Variants in ALG10 observed in about 807,000 individuals in gnomAD.
ALG10 encodes the protein ALG10 alpha-1,2-glucosyltransferase, also known as dol-P-Glc:Glc(2)Man(9)GlcNAc(2)-PP-Dol alpha-1,2-glucosyltransferase A.
Under a neutral mutation model 39.2 loss-of-function variants are expected in ALG10, and 25 were observed. That is an observed-to-expected ratio of 0.64 (90% confidence interval 0.46 to 0.89). The LOEUF (loss-of-function observed/expected upper bound fraction) is 0.89. Ranked by LOEUF, ALG10 falls within the 40% of genes least tolerant of loss-of-function variation. The pLI, the probability that ALG10 is intolerant of heterozygous loss-of-function variation, is 0.00. For synonymous variants in ALG10, 184 were observed against 193.9 expected (o/e 0.95, Z 0.42); for missense variants, 486 against 546.6 (o/e 0.89, Z 1.11).
chr12:34,025,426 T>C (rs1441715534), intron 2 of ALG10, among the ~76,000 whole-genome samples: 1 of 152,182 alleles, frequency 6.6e-6, no homozygotes, highest in Non-Finnish European at 1.5e-5. Context: ...TGTAGAGTTA[T>C]GAAGGATTTC....
intron 2 of ALG10, among the ~76,000 whole-genome samples, chr12:34,025,159 T>C (rs1235222498): frequency 4.6e-5 from 7 of 152,204 alleles, no homozygotes; most frequent in Non-Finnish European, 7.3e-5. Flanking sequence ...TAGCATGTAA[T>C]GTAAAGACCT....
chr12:34,025,750 T>C, intron 2 of ALG10, 113 bp from the exon 3 acceptor site: 1 of 1,293,422 alleles, frequency 7.7e-7, no homozygotes, highest in East Asian at 2.4e-5. Context: ...TAATTTTATT[T>C]AAAGAAGGTT....
Position 34,026,518 on chromosome 12 carries a change from A to G in ALG10, c.1025A>G (p.Tyr342Cys). The part of the protein sequence containing the change: ...VSVFLVWKFT[Y>C]AHKYLLADNR... Reference sequence around the variant, plus strand: ...GTGTTTTTAGTTTGGAAATTCACTTATGCTCATAAATACTTGCTAGCAGAC... The same window carrying G: ...GTGTTTTTAGTTTGGAAATTCACTTGTGCTCATAAATACTTGCTAGCAGAC... The change falls in exon 3 of 3, where the codon TAT becomes TGT. Residue 342 changes from tyrosine to cysteine, a missense_variant. By Grantham distance (194) the Tyr-to-Cys change is radical. Transcript: ENST00000266483. 2 of 1,613,778 alleles carry G rather than the reference A, an allele frequency of 1.2e-6. No homozygotes were observed. Among genetic ancestry groups the G allele is most frequent in the South Asian group, 2.2e-5 (2 of 91,048 alleles).
intron 2 of ALG10, among the ~76,000 whole-genome samples, chr12:34,024,750 G>C (rs1306939552): frequency 1.3e-5 from 2 of 152,092 alleles, no homozygotes; most frequent in Non-Finnish European, 2.9e-5. Context: ...ATATAGTAAG[G>C]GTTCAGTAAA....
chr12:34,026,573 AAG>A lies in ALG10; in HGVS notation c.1083_1084del (p.Arg361SerfsTer6). The part of the protein sequence containing the change: ...NRHYTFYVWK[R>X]VFQRYETVKY... The stretch of plus-strand genomic sequence containing the variant: ...GACATTATACTTTCTATGTGTGGAA[AAG>A]AGTTTTTCAAAGATATGAAACTGTA... On this transcript the variant is annotated frameshift_variant, in exon 3 of 3. Coordinates refer to ENST00000266483, the MANE Select transcript of ALG10 (RefSeq NM_032834.4). LOFTEE classifies it high-confidence loss of function. 2 of 1,613,878 alleles carry A rather than the reference AAG, an allele frequency of 1.2e-6. No individual in the cohort carries two copies. The highest frequency in any genetic ancestry group is 1.7e-6 in the Non-Finnish European group (2 of 1,179,892).
Position 34,027,283 on chromosome 12 carries a change from G to A in ALG10, c.*368G>A, listed in dbSNP as rs1385816601. The A allele has an allele frequency of 6.4e-6, 1 of 157,010 alleles. No individual in the cohort carries two copies. The highest frequency in any genetic ancestry group is 2.4e-5 in the African/African-American group (1 of 41,588). 9.7% of individuals were successfully genotyped at this position (157,010 alleles called of 1,614,324 possible). A position where few individuals can be genotyped will look rare whatever the true frequency, so the allele number is the denominator to read the frequency against. ...TATTCTCTTCAGAGAGAAATATTAG[G>A]TTAGTGCAAAAGTAATTGTGGTTTT... On this transcript the variant is annotated 3_prime_UTR_variant, in exon 3 of 3. Coordinates refer to ENST00000266483, the MANE Select transcript of ALG10 (RefSeq NM_032834.4).
chr12:34,026,999 G>A lies in ALG10; in HGVS notation c.*84G>A. 2 of 1,470,704 alleles carry A rather than the reference G, an allele frequency of 1.4e-6. No individual in the cohort carries two copies. The highest frequency in any genetic ancestry group is 1.8e-6 in the Non-Finnish European group (2 of 1,088,004). The allele number at this position is 1,470,704 out of a possible 1,614,324, so 91.1% of individuals were successfully genotyped here. ...AACAACTGAATAGGTGGAAAACATG[G>A]AATTTCTTTTAGGTGCAGTGGTGGT... is the stretch of plus-strand genomic sequence containing the variant. On this transcript the variant is annotated 3_prime_UTR_variant, in exon 3 of 3. Coordinates refer to ENST00000266483, the MANE Select transcript of ALG10 (RefSeq NM_032834.4).
Position 34,026,975 on chromosome 12 carries a change from A to T in ALG10, c.*60A>T. ...AATAATTAGACCATTTCTACAAAGA[A>T]CAACTGAATAGGTGGAAAACATGGA... is the stretch of plus-strand genomic sequence containing the variant. On this transcript the variant is annotated 3_prime_UTR_variant, in exon 3 of 3. Coordinates refer to ENST00000266483, the MANE Select transcript of ALG10 (RefSeq NM_032834.4). 6.4e-7 allele frequency: 1 copy of T among 1,554,096 alleles called. No individual in the cohort carries two copies. Among genetic ancestry groups the T allele is most frequent in the Non-Finnish European group, 8.8e-7 (1 of 1,142,062 alleles).
Position 34,022,738 on chromosome 12 carries a change from C to G in ALG10, c.139C>G (p.Arg47Gly), listed in dbSNP as rs1421602688. The G allele has an allele frequency of 6.8e-6, 11 of 1,614,156 alleles. No individual in the cohort carries two copies. Residue 47 changes from arginine (R) to glycine (G), a missense_variant, in exon 1 of 3, where the codon CGC becomes GGC. Coordinates refer to ENST00000266483, the MANE Select transcript of ALG10 (RefSeq NM_032834.4). ...GATCTTCCACCTGCCTCAGGCGCAG[C>G]GCTACTGTGAGGGCCATTTCTCCCT... ...DEIFHLPQAQ[R>G]YCEGHFSLSQ...
intron 1 of ALG10, 55 bp from the exon 2 acceptor site, chr12:34,023,907 G>T (rs1942805034): frequency 1.9e-6 from 3 of 1,598,774 alleles, no homozygotes; most frequent in Admixed American, 1.7e-5. Context: ...ACATATTTGT[G>T]CCTGTCTTGT....
chr12:34,025,798 A>C, intron 2 of ALG10, 65 bp from the exon 3 acceptor site: 4 of 1,074,756 alleles, frequency 3.7e-6, no homozygotes, highest in Non-Finnish European at 5.2e-6. Flanking sequence ...TTTCTTCATT[A>C]GGTAAGCAGA....
chr12:34,026,558 T>G lies in ALG10; in HGVS notation c.1065T>G (p.Thr355=), dbSNP rs758334407. 6.2e-7 allele frequency: 1 copy of G among 1,613,680 alleles called. No homozygotes were observed. The highest frequency in any genetic ancestry group is 1.7e-5 in the Admixed American group (1 of 59,942). ...KYLLADNRHY[T]FYVWKRVFQR... ...TGCTAGCAGACAATAGACATTATAC[T>G]TTCTATGTGTGGAAAAGAGTTTTTC... Residue 355 remains threonine (T), a synonymous_variant, in exon 3 of 3, where the codon ACT becomes ACG. Transcript: ENST00000266483.
rs1942842555 is a variant in ALG10, at chr12:34,027,118, A to G, written c.*203A>G. The G allele has an allele frequency of 2.1e-6, 1 of 487,686 alleles. No homozygotes were observed. Among genetic ancestry groups the G allele is most frequent in the Non-Finnish European group, 3.4e-6 (1 of 295,700 alleles). The allele number at this position is 487,686 out of a possible 1,614,324, so 30.2% of individuals were successfully genotyped here. The stretch of plus-strand genomic sequence containing the variant: ...GAGAAAGCTTAAGACCTGCTTCAAA[A>G]GCCTGAAAAATGGAAAAATAAAATT... On this transcript the variant is annotated 3_prime_UTR_variant, in exon 3 of 3. Coordinates refer to ENST00000266483, the MANE Select transcript of ALG10 (RefSeq NM_032834.4).
Position 34,026,707 on chromosome 12 carries a change from C to T in ALG10, c.1214C>T (p.Thr405Ile). 6.2e-7 allele frequency: 1 copy of T among 1,613,880 alleles called. No individual in the cohort carries two copies. Among genetic ancestry groups the T allele is most frequent in the Non-Finnish European group, 8.5e-7 (1 of 1,179,880 alleles). Residue 405 changes from threonine to isoleucine, a missense_variant, in exon 3 of 3, where the codon ACT becomes ATT. Thr to Ile is a moderately conservative substitution (Grantham distance 89). Transcript: ENST00000266483. ...WNLMFFICLF[T>I]VIVPQKLLEF... ...TTAATGTTTTTCATATGCTTGTTCA[C>T]TGTTATAGTTCCTCAGAAACTGCTG...
In ALG10 at chr12:34,026,988, T is replaced by G; in HGVS notation, c.*73T>G. 2.7e-6 allele frequency: 4 copies of G among 1,494,440 alleles called. No homozygotes were observed. In the African/African-American group the frequency reaches 4.2e-5, roughly 16 times the overall value. 92.6% of individuals were successfully genotyped at this position (1,494,440 alleles called of 1,614,324 possible). A position where few individuals can be genotyped will look rare whatever the true frequency, so the allele number is the denominator to read the frequency against. ...TTTCTACAAAGAACAACTGAATAGG[T>G]GGAAAACATGGAATTTCTTTTAGGT... On this transcript the variant is annotated 3_prime_UTR_variant, in exon 3 of 3. Coordinates refer to ENST00000266483, the MANE Select transcript of ALG10 (RefSeq NM_032834.4).
Position 34,026,638 on chromosome 12 carries a change from G to A in ALG10, c.1145G>A (p.Trp382Ter). 1 of 1,613,898 alleles carries A rather than the reference G, an allele frequency of 6.2e-7. No homozygotes were observed. Among genetic ancestry groups the A allele is most frequent in the Non-Finnish European group, 8.5e-7 (1 of 1,179,880 alleles). Residue 382 changes from tryptophan to a stop codon, truncating the protein, a stop_gained, in exon 3 of 3, where the codon TGG becomes TAG. Transcript: ENST00000266483. LOFTEE classifies it high-confidence loss of function. ...GTTCCAGCCTATATATTTGCTGGTT[G>A]GAGTATAGCTGACTCATTGAAATCA... ...LLVPAYIFAG[W>*]SIADSLKSKS...
In ALG10 at chr12:34,026,183, C is replaced by G. The variant is rs917999095; in HGVS notation, c.690C>G (p.Phe230Leu). ...LPPIKGPFAE[F>L]RKILQFLLAY... ...CTATTAAAGGACCATTTGCAGAATT[C>G]AGAAAAATTCTTCAGTTTCTTTTGG... Residue 230 changes from phenylalanine to leucine, a missense_variant, in exon 3 of 3, where the codon TTC becomes TTG. Phe to Leu is a conservative substitution (Grantham distance 22). Coordinates refer to ENST00000266483, the MANE Select transcript of ALG10 (RefSeq NM_032834.4). 6.2e-7 allele frequency: 1 copy of G among 1,613,930 alleles called. No individual in the cohort carries two copies. Among genetic ancestry groups the G allele is most frequent in the African/African-American group, 1.3e-5 (1 of 74,918 alleles).
Position 34,026,532 on chromosome 12 carries a change from T to G in ALG10, c.1039T>G (p.Leu347Val). ...GAAATTCACTTATGCTCATAAATAC[T>G]TGCTAGCAGACAATAGACATTATAC... is the stretch of plus-strand genomic sequence containing the variant. ...VWKFTYAHKY[L>V]LADNRHYTFY... The change falls in exon 3 of 3, where the codon TTG (leucine) becomes GTG (valine). Residue 347 changes from leucine (L) to valine (V), a missense_variant. By Grantham distance (32) the Leu-to-Val change is conservative (BLOSUM62 1). Coordinates refer to ENST00000266483, the MANE Select transcript of ALG10 (RefSeq NM_032834.4). 6.2e-7 allele frequency: 1 copy of G among 1,613,846 alleles called. No homozygotes were observed. Among genetic ancestry groups the G allele is most frequent in the Non-Finnish European group, 8.5e-7 (1 of 1,179,886 alleles).
rs771629091 is a variant in ALG10, at chr12:34,026,448, G to T, written c.955G>T (p.Val319Phe). 3.7e-6 allele frequency: 6 copies of T among 1,613,432 alleles called. No individual in the cohort carries two copies. The highest frequency in any genetic ancestry group is 1.6e-4 in the Middle Eastern group (1 of 6,062). The change falls in exon 3 of 3, where the codon GTT becomes TTT. Residue 319 changes from valine (V) to phenylalanine (F), a missense_variant. Physicochemically the swap from Val to Phe is conservative, Grantham distance 50 (BLOSUM62 -1). Coordinates refer to ENST00000266483, the MANE Select transcript of ALG10 (RefSeq NM_032834.4). ...CAAAATTAAGACTTTTCTTTCCTTA[G>T]TTTGGAAACGTAGAATTCTGTTTTT... Reference protein sequence around the residue: ...PSKIKTFLSLVWKRRILFFVV... With the variant: ...PSKIKTFLSLFWKRRILFFVV...
Sources: allele counts gnomAD v4.1 joint callset (sites outside exome capture counted in the v4.1 genomes callset), GRCh38; gene constraint gnomAD v4.1.1; transcripts MANE v1.5; gene names NCBI Gene and HGNC (gene_info 2026-07-23, HGNC 2026-07-21).